ANTXR2: variants seen among roughly 807,000 people sequenced by gnomAD.
ANTXR2 encodes anthrax toxin receptor 2.
A neutral mutation model predicts 73.7 loss-of-function variants in ANTXR2; 44 were observed. The observed-to-expected ratio is 0.60, with a 90% CI of 0.47 to 0.77. ANTXR2 has a LOEUF of 0.77. Ranked by LOEUF, ANTXR2 falls within the 30% of genes least tolerant of loss-of-function variation. ANTXR2 has a pLI of 0.00. For synonymous variants in ANTXR2, 217 were observed against 205.9 expected (o/e 1.05, Z -0.46); for missense variants, 604 against 592.5 (o/e 1.02, Z -0.20).
chr4:79,915,264 G>C (rs1440062187), intron 16 of ANTXR2, among the ~76,000 whole-genome samples: 1 of 152,094 alleles, frequency 6.6e-6, no homozygotes, highest in Non-Finnish European at 1.5e-5. Flanking sequence ...CCTAGGTATA[G>C]AGACCCCAAC....
intron 7 of ANTXR2, among the ~76,000 whole-genome samples, chr4:80,041,784 C>T (rs1733275420): frequency 1.3e-5 from 2 of 152,044 alleles, no homozygotes; most frequent in Admixed American, 1.3e-4. Flanking sequence ...CATGTCCTTG[C>T]AAAGGACATG....
rs577426061 is a variant in ANTXR2 at position 79,902,546 on chromosome 4, C to T, written c.*4883G>A. 8 of 152,188 alleles carry T rather than the reference C, an allele frequency of 5.3e-5. No individual in the cohort carries two copies. The highest frequency in any genetic ancestry group is 1.7e-4 in the African/African-American group (7 of 41,538). 9.4% of individuals were successfully genotyped at this position (152,188 alleles called of 1,614,324 possible). ...TGCTTCTTTATATATGTTTTTAAGACACTTGCTAACCCTATGAAACCAGAG... is the reference window on the plus strand; with the variant it reads ...TGCTTCTTTATATATGTTTTTAAGATACTTGCTAACCCTATGAAACCAGAG... On this transcript the variant is annotated 3_prime_UTR_variant, in exon 17 of 17. Coordinates refer to ENST00000403729, the MANE Select transcript of ANTXR2 (RefSeq NM_058172.6).
At chr4:79,991,307 C>G (rs1730455954) in intron 12 of ANTXR2, among the ~76,000 whole-genome samples, 1 of 151,986 alleles carries the variant, frequency 6.6e-6, no homozygotes, top group African/African-American at 2.4e-5. Flanking sequence ...ACAGGCACTT[C>G]TCAAAAGAAG....
At position 79,978,157 on chromosome 4, in the gene ANTXR2, T is replaced by C. The variant is rs985262467; in HGVS notation, c.1197A>G (p.Lys399=). 35 of 1,613,740 alleles carry C rather than the reference T, an allele frequency of 2.2e-5. No homozygotes were observed. The highest frequency in any genetic ancestry group is 2.9e-5 in the Non-Finnish European group (34 of 1,179,784). The change falls in exon 15 of 17, where the codon AAA becomes AAG. Residue 399 remains lysine, a synonymous_variant. Transcript: ENST00000403729. ...GCCTTGCACCTTCCTCAGTAGATCC[T>C]TTATCACCCCAACGAACCTGTAAAA... ...IKRMEVRWGD[K]GSTEEGARLE...
intron 16 of ANTXR2, among the ~76,000 whole-genome samples, chr4:79,922,979 A>T (rs1009996395): frequency 6.6e-6 from 1 of 152,126 alleles, no homozygotes; most frequent in African/African-American, 2.4e-5. Context: ...TTAGCAAACA[A>T]ATCTAATTTG....
chr4:79,936,560 T>C (rs1728269754), intron 16 of ANTXR2, among the ~76,000 whole-genome samples: 1 of 151,686 alleles, frequency 6.6e-6, no homozygotes, highest in Non-Finnish European at 1.5e-5. Context: ...CATAAAAGCT[T>C]AGGTATAATT....
chr4:80,028,079 A>C (rs1732521297), intron 10 of ANTXR2, among the ~76,000 whole-genome samples: 2 of 152,202 alleles, frequency 1.3e-5, no homozygotes, highest in Admixed American at 1.3e-4. Context: ...ATCCAAAAAA[A>C]TAGAAAACAA....
intron 12 of ANTXR2, among the ~76,000 whole-genome samples, chr4:80,004,422 T>C (rs924428148): frequency 1.3e-5 from 2 of 152,050 alleles, no homozygotes; most frequent in Non-Finnish European, 2.9e-5. Flanking sequence ...TTTATACTTC[T>C]GGAAGTCTGG....
chr4:79,977,674 A>G lies in ANTXR2; in HGVS notation c.1375T>C (p.Leu459=), dbSNP rs1230684862. ...KGRLDALWAL[L]RRQYDRVSLM... ...GAAACCCGGTCATACTGCCGCCTCA[A>G]CAAAGCCCAGAGAGCATCAAGACGA... Residue 459 remains leucine (L), a synonymous_variant, in exon 16 of 17, where the codon TTG becomes CTG. Transcript: ENST00000403729. 4 of 1,581,126 alleles carry G rather than the reference A, an allele frequency of 2.5e-6. No homozygotes were observed. Among genetic ancestry groups the G allele is most frequent in the Non-Finnish European group, 2.6e-6 (3 of 1,162,598 alleles).
At chr4:79,926,870 T>A (rs1170407172) in intron 16 of ANTXR2, among the ~76,000 whole-genome samples, 1 of 151,990 alleles carries the variant, frequency 6.6e-6, no homozygotes, top group East Asian at 1.9e-4. Flanking sequence ...TTGTGGCATA[T>A]ATATGTGTGT....
chr4:79,909,831 G>A (rs1436495249), intron 16 of ANTXR2, among the ~76,000 whole-genome samples: 3 of 152,104 alleles, frequency 2.0e-5, no homozygotes, highest in Non-Finnish European at 4.4e-5. Context: ...TTAAAAGGAG[G>A]TGACTTCGGG....
chr4:79,983,866 T>A lies in ANTXR2; in HGVS notation c.1179+12A>T. On this transcript the variant is annotated intron_variant, in intron 14 of 16. Transcript: ENST00000403729. ...CAGATTAGCAGCTTCTATTTTTTTTTAAGATACCAACCTCCATTCTTTTAA... is the reference window on the plus strand; with the variant it reads ...CAGATTAGCAGCTTCTATTTTTTTTAAAGATACCAACCTCCATTCTTTTAA... 6.3e-7 allele frequency: 1 copy of A among 1,599,484 alleles called. No homozygotes were observed. The highest frequency in any genetic ancestry group is 8.6e-7 in the Non-Finnish European group (1 of 1,167,582).
chr4:80,028,854 C>T (rs1041190656), intron 10 of ANTXR2, among the ~76,000 whole-genome samples: 1 of 152,096 alleles, frequency 6.6e-6, no homozygotes, highest in East Asian at 1.9e-4. Flanking sequence ...ATTCAAGGCA[C>T]AGGAAAGGTC....
intron 8 of ANTXR2, 123 bp from the exon 9 acceptor site, chr4:80,033,693 T>A: frequency 1.5e-6 from 1 of 683,038 alleles, no homozygotes; most frequent in Non-Finnish European, 2.4e-6. Flanking sequence ...AGTTAACTAA[T>A]AGCAATGAAG....
chr4:80,071,198 G>T (rs1419272650), intron 2 of ANTXR2, among the ~76,000 whole-genome samples: 1 of 152,180 alleles, frequency 6.6e-6, no homozygotes, highest in Non-Finnish European at 1.5e-5. Flanking sequence ...TTGTTTTAAT[G>T]AGGGCCTCTA....
chr4:80,051,211 G>A (rs535874957), intron 7 of ANTXR2, among the ~76,000 whole-genome samples: 14 of 151,738 alleles, frequency 9.2e-5, no homozygotes, highest in South Asian at 2.1e-4. Flanking sequence ...CACCAATTGC[G>A]TTATAAGATT....
chr4:80,003,165 T>C (rs963584402), intron 12 of ANTXR2, among the ~76,000 whole-genome samples: 1 of 152,104 alleles, frequency 6.6e-6, no homozygotes, highest in Non-Finnish European at 1.5e-5. Flanking sequence ...CCAACGCAAA[T>C]GTCCATGAAT....
intron 10 of ANTXR2, among the ~76,000 whole-genome samples, chr4:80,024,974 T>C (rs933637481): frequency 6.6e-6 from 1 of 152,180 alleles, no homozygotes; most frequent in African/African-American, 2.4e-5. Context: ...TAATTTTCTA[T>C]AAATTGGTTC....
rs529579086 is a variant in ANTXR2 at position 79,995,283 on chromosome 4, T to C, written c.1042-10420A>G. ...CTCTGCACACAGCAGATACTAAAGG[T>C]ACTAAAAATATACTGAAAGTGAAAT... is the stretch of plus-strand genomic sequence containing the variant. On this transcript the variant is annotated intron_variant, in intron 12 of 16. Coordinates refer to ENST00000403729, the MANE Select transcript of ANTXR2 (RefSeq NM_058172.6). Among the ~76,000 whole-genome samples, 187 of 152,088 alleles carry C rather than the reference T, an allele frequency of 1.2e-3. 1 individual carries two copies. The highest frequency in any genetic ancestry group is 2.1e-3 in the Non-Finnish European group (144 of 67,944).
Sources: allele counts gnomAD v4.1 joint callset (sites outside exome capture counted in the v4.1 genomes callset), GRCh38; gene constraint gnomAD v4.1.1; transcripts MANE v1.5; gene names NCBI Gene and HGNC (gene_info 2026-07-23, HGNC 2026-07-21).